Variants in PDE7B observed in about 807,000 individuals in gnomAD.
PDE7B encodes phosphodiesterase 7B.
In PDE7B, 29 loss-of-function variants were observed where a neutral mutation model predicts 56.2. That is an observed-to-expected ratio of 0.52 (90% CI 0.38 to 0.70). The LOEUF is 0.70. Ranked by LOEUF, PDE7B falls within the 30% of genes least tolerant of loss-of-function variation. The pLI is 0.00. For synonymous variants in PDE7B, 197 were observed against 196.9 expected, an observed-to-expected ratio of 1.00 and a Z score of 0.00; for missense variants, 490 against 565.0, an observed-to-expected ratio of 0.87 and a Z score of 1.35.
intron 11 of PDE7B, among the ~76,000 whole-genome samples, chr6:136,182,288 A>C (rs1462044359): frequency 6.6e-6 from 1 of 152,194 alleles, no homozygotes; most frequent in African/African-American, 2.4e-5. Flanking sequence ...TAACTCCTAC[A>C]ATTCTGTATA....
chr6:136,002,428 C>T (rs1775688128), intron 2 of PDE7B, among the ~76,000 whole-genome samples: 1 of 152,062 alleles, frequency 6.6e-6, no homozygotes, highest in African/African-American at 2.4e-5. Context: ...GAGTCAAGAC[C>T]CATCAGTGTG....
At chr6:136,069,383 C>T (rs1777006998) in intron 2 of PDE7B, among the ~76,000 whole-genome samples, 1 of 152,138 alleles carries the variant, frequency 6.6e-6, no homozygotes, top group South Asian at 2.1e-4. Flanking sequence ...CTACACTGAT[C>T]AAATCCATGG....
chr6:136,014,329 A>G (rs938877028), intron 2 of PDE7B, among the ~76,000 whole-genome samples: 3 of 152,216 alleles, frequency 2.0e-5, no homozygotes, highest in Non-Finnish European at 4.4e-5. Flanking sequence ...TTTTCTATGA[A>G]GATATTTTTT....
rs774033796 is a variant in PDE7B at position 136,191,803 on chromosome 6, G to C, written c.1316G>C (p.Gly439Ala). The C allele has an allele frequency of 6.4e-7, 1 of 1,560,534 alleles. No homozygotes were observed. Among genetic ancestry groups the C allele is most frequent in the Admixed American group, 1.9e-5 (1 of 51,830 alleles). ...SGPDHDHAGQ[G>A]TESEEQEGDS... Reference sequence around the variant, plus strand: ...CCTGACCACGACCACGCAGGCCAAGGGACTGAGAGCGAGGAGCAGGAAGGC... The same window carrying C: ...CCTGACCACGACCACGCAGGCCAAGCGACTGAGAGCGAGGAGCAGGAAGGC... The change falls in exon 13 of 13, where the codon GGG becomes GCG. Residue 439 changes from glycine (G) to alanine (A), a missense_variant. By Grantham distance (60) the Gly-to-Ala change is moderately conservative. Transcript: ENST00000308191.
At chr6:135,961,269 G>GTGTGTGTA (rs1213559610) in intron 2 of PDE7B, among the ~76,000 whole-genome samples, 17 of 142,372 alleles carry the variant, frequency 1.2e-4, no homozygotes, top group African/African-American at 4.6e-4. Context: ...GTGTGTGTGT[G>GTGTGTGTA]TGTGTGTGTG....
chr6:136,046,031 C>T (rs951458740), intron 2 of PDE7B, among the ~76,000 whole-genome samples: 1 of 151,854 alleles, frequency 6.6e-6, no homozygotes, highest in Non-Finnish European at 1.5e-5. Flanking sequence ...ACGTAAGTGA[C>T]AAGCACTTCA....
intron 8 of PDE7B, among the ~76,000 whole-genome samples, chr6:136,171,643 T>A: frequency 6.6e-6 from 1 of 151,980 alleles, no homozygotes; most frequent in East Asian, 1.9e-4. Context: ...ACTTTTTTTT[T>A]ATTATTATTA....
intron 2 of PDE7B, chr6:136,043,794 A>G (rs986655916): frequency 5.3e-5 from 8 of 152,018 alleles, no homozygotes; most frequent in African/African-American, 1.9e-4. Context: ...ATCCATTGTC[A>G]TTCTATTCTG....
At chr6:136,094,356 C>G (rs980723303) in intron 2 of PDE7B, 1 of 152,718 alleles carries the variant, frequency 6.5e-6, no homozygotes. Flanking sequence ...CACTCCTGCA[C>G]CTCACTCTCC....
intron 1 of PDE7B, among the ~76,000 whole-genome samples, chr6:135,934,760 T>A (rs71576384): frequency 0.018 from 1,968 of 110,758 alleles, 25 homozygotes; most frequent in Middle Eastern, 0.031. Flanking sequence ...ATATATTTTT[T>A]AAATATATAT....
At chr6:136,122,546 C>T (rs1777954621) in intron 3 of PDE7B, among the ~76,000 whole-genome samples, 1 of 152,176 alleles carries the variant, frequency 6.6e-6, no homozygotes, top group African/African-American at 2.4e-5. Context: ...CTCAAAAACT[C>T]ATCTCAGTAT....
At chr6:136,007,757 T>C (rs1318683544) in intron 2 of PDE7B, among the ~76,000 whole-genome samples, 1 of 152,044 alleles carries the variant, frequency 6.6e-6, no homozygotes, top group Non-Finnish European at 1.5e-5. Flanking sequence ...TTTGTGTGCA[T>C]AGAGGTGTTC....
chr6:135,894,529 C>T (rs547390847), intron 1 of PDE7B, among the ~76,000 whole-genome samples: 46 of 152,072 alleles, frequency 3.0e-4, no homozygotes, highest in African/African-American at 9.2e-4. Context: ...GAAACAAGAG[C>T]GTTCTGTTCT....
At chr6:135,860,958 CATT>C (rs1775134298) in intron 1 of PDE7B, among the ~76,000 whole-genome samples, 1 of 151,646 alleles carries the variant, frequency 6.6e-6, no homozygotes, top group Non-Finnish European at 1.5e-5. Context: ...AGAAATAGAA[CATT>C]ATTACATGTT....
At chr6:135,943,499 G>A (rs1036145459) in intron 1 of PDE7B, among the ~76,000 whole-genome samples, 5 of 152,190 alleles carry the variant, frequency 3.3e-5, no homozygotes, top group African/African-American at 1.2e-4. Context: ...GCCAATATTC[G>A]AGAATCTATA....
intron 2 of PDE7B, among the ~76,000 whole-genome samples, chr6:135,980,196 T>A (rs1437146271): frequency 1.3e-5 from 2 of 152,138 alleles, no homozygotes; most frequent in Non-Finnish European, 2.9e-5. Flanking sequence ...GAGGAAAGGA[T>A]TCCCTATTTA....
intron 1 of PDE7B, among the ~76,000 whole-genome samples, chr6:135,935,218 T>TTATATA (rs1774401330): frequency 2.9e-5 from 1 of 34,726 alleles, no homozygotes. Flanking sequence ...ATATATATAT[T>TTATATA]TTCATGATTC....
intron 2 of PDE7B, among the ~76,000 whole-genome samples, chr6:136,036,433 TAGGA>T (rs1255550102): frequency 6.6e-6 from 1 of 152,188 alleles, no homozygotes; most frequent in East Asian, 1.9e-4. Flanking sequence ...CTTCACCTGT[TAGGA>T]AGGAGAGTAG....
chr6:136,088,402 G>T (rs1777327505), intron 2 of PDE7B, among the ~76,000 whole-genome samples: 1 of 152,158 alleles, frequency 6.6e-6, no homozygotes, highest in Admixed American at 6.5e-5. Flanking sequence ...AACACTCATT[G>T]AAGGTGTGCT....
Sources: allele counts gnomAD v4.1 joint callset (sites outside exome capture counted in the v4.1 genomes callset), GRCh38; gene constraint gnomAD v4.1.1; transcripts MANE v1.5; gene names NCBI Gene and HGNC (gene_info 2026-07-23, HGNC 2026-07-21).